Variants in ENTREP2 observed in about 807,000 individuals in gnomAD.
ENTREP2 encodes the protein protein ENTREP2.
chr15:29,547,321 G>C, the ENTREP2 span, among the ~76,000 whole-genome samples: 1 of 151,632 alleles, frequency 6.6e-6, no homozygotes, highest in East Asian at 1.9e-4. Flanking sequence ...AACTCCTGAC[G>C]TTGTGATCCA....
At chr15:29,199,505 G>A in the ENTREP2 span, among the ~76,000 whole-genome samples, 1 of 152,156 alleles carries the variant, frequency 6.6e-6, no homozygotes, top group Non-Finnish European at 1.5e-5. Context: ...CTGACAGAAC[G>A]CTTGATGGGT....
At chr15:29,473,868 C>T in the ENTREP2 span, among the ~76,000 whole-genome samples, 1 of 152,172 alleles carries the variant, frequency 6.6e-6, no homozygotes, top group Non-Finnish European at 1.5e-5. Flanking sequence ...ACAACGAGGA[C>T]ATCTCAAAGC....
the ENTREP2 span, among the ~76,000 whole-genome samples, chr15:29,198,600 A>C: frequency 1.6e-4 from 24 of 152,222 alleles, no homozygotes; most frequent in African/African-American, 5.8e-4. Flanking sequence ...GTGAAACCTA[A>C]CACACATACA....
chr15:29,523,560 GA>G, the ENTREP2 span, among the ~76,000 whole-genome samples: 8 of 104,836 alleles, frequency 7.6e-5, no homozygotes, highest in Non-Finnish European at 1.5e-4. Context: ...ATCCCAGCTA[GA>G]TTTTTTTTTT....
the ENTREP2 span, among the ~76,000 whole-genome samples, chr15:29,478,017 ATATTTTT>A: frequency 8.8e-5 from 5 of 56,964 alleles, no homozygotes; most frequent in African/African-American, 5.0e-4. Flanking sequence ...ATATATATAT[ATATTTTT>A]TTTTTTTTTT....
At chr15:29,613,487 C>T in the ENTREP2 span, 1 of 397,166 alleles carries the variant, frequency 2.5e-6, no homozygotes, top group African/African-American at 2.1e-5. Context: ...ACAGCAAGAT[C>T]CGAGAAGAGG....
chr15:29,179,667 G>A, the ENTREP2 span, among the ~76,000 whole-genome samples: 1 of 148,114 alleles, frequency 6.8e-6, no homozygotes, highest in African/African-American at 2.5e-5. Flanking sequence ...TGCAAGCTCC[G>A]CCTCCCGGGT....
chr15:29,218,613 T>C, the ENTREP2 span, among the ~76,000 whole-genome samples: 1 of 152,078 alleles, frequency 6.6e-6, no homozygotes, highest in Non-Finnish European at 1.5e-5. Context: ...GGTATAAAAA[T>C]AGGCACACAG....
At chr15:29,269,495 C>T in the ENTREP2 span, 1 of 1,607,946 alleles carries the variant, frequency 6.2e-7, no homozygotes, top group South Asian at 1.1e-5. Flanking sequence ...GCGGCCTGGG[C>T]CCGGCGGGCG....
chr15:29,366,502 CAT>C, the ENTREP2 span, among the ~76,000 whole-genome samples: 1,519 of 152,256 alleles, frequency 1.0e-2, 40 homozygotes, highest in African/African-American at 0.035. Flanking sequence ...CTGATAAACT[CAT>C]ATGGCCATGG....
the ENTREP2 span, among the ~76,000 whole-genome samples, chr15:29,389,308 A>G: frequency 6.6e-6 from 1 of 152,160 alleles, no homozygotes; most frequent in African/African-American, 2.4e-5. Flanking sequence ...TGGCAGCCTA[A>G]GTAGACTAAG....
the ENTREP2 span, among the ~76,000 whole-genome samples, chr15:29,150,575 G>C: frequency 1.3e-5 from 2 of 152,162 alleles, no homozygotes; most frequent in Non-Finnish European, 2.9e-5. Context: ...CGATGAACAA[G>C]GGCAGAAGTT....
chr15:29,360,968 T>C, the ENTREP2 span, among the ~76,000 whole-genome samples: 13 of 152,194 alleles, frequency 8.5e-5, no homozygotes, highest in South Asian at 8.3e-4. Flanking sequence ...CAACAACCTG[T>C]TGGTGGCTCC....
chr15:29,591,411 T>C, the ENTREP2 span, among the ~76,000 whole-genome samples: 1 of 152,192 alleles, frequency 6.6e-6, no homozygotes, highest in African/African-American at 2.4e-5. Context: ...ACCCCATATG[T>C]AGGGCAGTGA....
At chr15:29,170,484 T>C in the ENTREP2 span, among the ~76,000 whole-genome samples, 1 of 152,180 alleles carries the variant, frequency 6.6e-6, no homozygotes, top group African/African-American at 2.4e-5. Flanking sequence ...TGAGATCTTG[T>C]AGTCATGAAT....
the ENTREP2 span, among the ~76,000 whole-genome samples, chr15:29,656,504 G>C: frequency 6.6e-6 from 1 of 152,200 alleles, no homozygotes; most frequent in African/African-American, 2.4e-5. Context: ...TACAATTACA[G>C]GCGTGGGCCA....
chr15:29,567,150 G>C, the ENTREP2 span, among the ~76,000 whole-genome samples: 1 of 152,076 alleles, frequency 6.6e-6, no homozygotes, highest in Non-Finnish European at 1.5e-5. Context: ...GGCACAGCCC[G>C]GCACAGGAAA....
At chr15:29,293,399 C>A in the ENTREP2 span, among the ~76,000 whole-genome samples, 2 of 151,576 alleles carry the variant, frequency 1.3e-5, no homozygotes, top group African/African-American at 4.8e-5. Flanking sequence ...AGGCGCCCGC[C>A]ACCATGCCTG....
chr15:29,650,504 A>G, the ENTREP2 span, among the ~76,000 whole-genome samples: 1 of 152,144 alleles, frequency 6.6e-6, no homozygotes, highest in African/African-American at 2.4e-5. Flanking sequence ...GAGACAGGAG[A>G]ATCACTTGAA....
Sources: gnomAD v4.1 joint callset for allele counts (sites outside exome capture counted in the v4.1 genomes callset) on GRCh38, gnomAD v4.1.1 for gene constraint, MANE v1.5 for transcripts, NCBI Gene and HGNC (gene_info 2026-07-23, HGNC 2026-07-21) for gene names.